Variants in ADM observed in about 807,000 individuals in gnomAD.
ADM encodes the protein adrenomedullin.
A neutral mutation model predicts 9.0 loss-of-function variants in ADM; 4 were observed. The observed-to-expected ratio is 0.44, with a 90% CI of 0.22 to 1.02. The LOEUF (loss-of-function observed/expected upper bound fraction) is 1.02. ADM is among the 50% of genes least tolerant of loss of function. The pLI, the probability that ADM is intolerant of heterozygous loss-of-function variation, is 0.24. For synonymous variants in ADM, 107 were observed against 107.2 expected (o/e 1.00, Z 0.01); for missense variants, 253 against 254.1 (o/e 1.00, Z 0.03).
Position 10,305,748 on chromosome 11 carries a change from C to G in ADM, c.48C>G (p.Phe16Leu). The change falls in exon 2 of 4, where the codon TTC becomes TTG. Residue 16 changes from phenylalanine to leucine, a missense_variant. Phe to Leu is a conservative substitution (Grantham distance 22, BLOSUM62 0). Transcript: ENST00000278175. ...VALMYLGSLA[F>L]LGADTARLDV... ...TGATGTACCTGGGTTCGCTCGCCTT[C>G]CTAGGCGCTGACACCGCTCGGTTGG... The G allele has an allele frequency of 1.9e-6, 3 of 1,614,200 alleles. No homozygotes were observed. Among genetic ancestry groups the G allele is most frequent in the Non-Finnish European group, 2.5e-6 (3 of 1,180,022 alleles).
intron 2 of ADM, 34 bp from the exon 3 acceptor site, chr11:10,305,915 A>G (rs1407130672): frequency 6.2e-7 from 1 of 1,612,804 alleles, no homozygotes; most frequent in African/African-American, 1.3e-5. Flanking sequence ...CGTCACCTGA[A>G]CGCACGCGAA....
Position 10,306,987 on chromosome 11 carries a change from A to G in ADM, c.*346A>G, listed in dbSNP as rs926377113. On this transcript the variant is annotated 3_prime_UTR_variant, in exon 4 of 4. Transcript: ENST00000278175. Reference sequence around the variant, plus strand: ...GTGCTCGCCCACAAACTGATTTCTCACGGCGTGTCACCCCACCAGGGCGCA... The same window carrying G: ...GTGCTCGCCCACAAACTGATTTCTCGCGGCGTGTCACCCCACCAGGGCGCA... 1.8e-4 allele frequency: 40 copies of G among 226,802 alleles called. No homozygotes were observed. Among genetic ancestry groups the G allele is most frequent in the Middle Eastern group, 2.7e-3 (2 of 732 alleles). 14.0% of individuals were successfully genotyped at this position (226,802 alleles called of 1,614,324 possible). A position where few individuals can be genotyped will look rare whatever the true frequency, so the allele number is the denominator to read the frequency against.
chr11:10,306,452 G>T lies in ADM; in HGVS notation c.369G>T (p.Gln123His). 5.0e-6 allele frequency: 8 copies of T among 1,613,620 alleles called. No homozygotes were observed. Among genetic ancestry groups the T allele is most frequent in the Non-Finnish European group, 6.8e-6 (8 of 1,179,940 alleles). The part of the protein sequence containing the change: ...GTCTVQKLAH[Q>H]IYQFTDKDKD... Reference sequence around the variant, plus strand: ...GCACGGTGCAGAAGCTGGCACACCAGATCTACCAGTTCACAGATAAGGACA... The same window carrying T: ...GCACGGTGCAGAAGCTGGCACACCATATCTACCAGTTCACAGATAAGGACA... Residue 123 changes from glutamine (Q) to histidine (H), a missense_variant, in exon 4 of 4, where the codon CAG becomes CAT. Transcript: ENST00000278175.
chr11:10,306,154 G>A (rs1456550823), intron 3 of ADM, 56 bp downstream of exon 3: 37 of 1,595,274 alleles, frequency 2.3e-5, no homozygotes, highest in Non-Finnish European at 3.1e-5. Context: ...TGCGGGAGGA[G>A]TTCTCTGTCT....
Position 10,305,741 on chromosome 11 carries a change from T to A in ADM, c.41T>A (p.Leu14His). The A allele has an allele frequency of 6.2e-7, 1 of 1,614,172 alleles. No homozygotes were observed. Among genetic ancestry groups the A allele is most frequent in the Non-Finnish European group, 8.5e-7 (1 of 1,180,014 alleles). Residue 14 changes from leucine to histidine, a missense_variant, in exon 2 of 4, where the codon CTC (leucine) becomes CAC (histidine). By Grantham distance (99) the Leu-to-His change is moderately conservative. Coordinates refer to ENST00000278175, the MANE Select transcript of ADM (RefSeq NM_001124.3). The part of the protein sequence containing the change: ...VSVALMYLGS[L>H]AFLGADTARL... ...GTCGCCCTGATGTACCTGGGTTCGC[T>A]CGCCTTCCTAGGCGCTGACACCGCT...
rs1964650263 is a variant in ADM at position 10,305,946 on chromosome 11, C to G, written c.99-3C>G. 7 of 1,613,618 alleles carry G rather than the reference C, an allele frequency of 4.3e-6. No homozygotes were observed. Among genetic ancestry groups the G allele is most frequent in the Non-Finnish European group, 5.9e-6 (7 of 1,180,010 alleles). The stretch of plus-strand genomic sequence containing the variant: ...GCGAATCGGGTCTGCTTGTGTTTTC[C>G]AGGTGGAATAAGTGGGCTCTGAGTC... On this transcript the variant is annotated splice_polypyrimidine_tract_variant and splice_region_variant and intron_variant, in intron 2 of 3. Coordinates refer to ENST00000278175, the MANE Select transcript of ADM (RefSeq NM_001124.3).
chr11:10,306,830 C>A lies in ADM; in HGVS notation c.*189C>A. On this transcript the variant is annotated 3_prime_UTR_variant, in exon 4 of 4. Transcript: ENST00000278175. ...CCCCTCCTTCTGGGGGCTTCGCTTC[C>A]TTAGCCTTGCTCAGGTGCAAGTGCC... 2 of 540,762 alleles carry A rather than the reference C, an allele frequency of 3.7e-6. No individual in the cohort carries two copies. 33.5% of individuals were successfully genotyped at this position (540,762 alleles called of 1,614,324 possible). A position where few individuals can be genotyped will look rare whatever the true frequency, so the allele number is the denominator to read the frequency against.
intron 1 of ADM, 82 bp from the exon 2 acceptor site, chr11:10,305,598 G>C: frequency 1.6e-6 from 2 of 1,249,084 alleles, no homozygotes; most frequent in Non-Finnish European, 2.3e-6. Context: ...CCTCGCCGGG[G>C]CCCCTGCCCG....
Position 10,306,345 on chromosome 11 carries a change from G to A in ADM, c.262G>A (p.Ala88Thr), listed in dbSNP as rs752136972. Reference sequence around the variant, plus strand: ...CCCCGCCCGCAGCAGTCCGGATGCCGCCCGCATCCGAGTCAAGCGCTACCG... The same window carrying A: ...CCCCGCCCGCAGCAGTCCGGATGCCACCCGCATCCGAGTCAAGCGCTACCG... ...RSPEDSSPDA[A>T]RIRVKRYRQS... Residue 88 changes from alanine to threonine, a missense_variant, in exon 4 of 4, where the codon GCC becomes ACC. Ala to Thr is a moderately conservative substitution (Grantham distance 58). Transcript: ENST00000278175. The A allele has an allele frequency of 1.5e-5, 23 of 1,567,188 alleles. No individual in the cohort carries two copies. The highest frequency in any genetic ancestry group is 2.0e-5 in the Non-Finnish European group (23 of 1,146,018).
At chr11:10,305,445 C>T in intron 1 of ADM, 1 of 532,970 alleles carries the variant, frequency 1.9e-6, no homozygotes. Context: ...AGAAGTTGAG[C>T]AGAGACCCTC....
intron 1 of ADM, 95 bp from the exon 2 acceptor site, chr11:10,305,585 C>T (rs2133659291): frequency 1.9e-6 from 2 of 1,063,072 alleles, no homozygotes; most frequent in South Asian, 2.7e-5. Flanking sequence ...CGGGCTAAAC[C>T]CGCCTCGCCG....
rs1198293556 is a variant in ADM, at chr11:10,307,177, T to C, written c.*536T>C. ...TACGTTATATATTGTATTAAGGGCA[T>C]TTTAAAAGCAATTATATTGTCCTCC... On this transcript the variant is annotated 3_prime_UTR_variant, in exon 4 of 4. Coordinates refer to ENST00000278175, the MANE Select transcript of ADM (RefSeq NM_001124.3). This position sits in a 1 kb window ranked among gnomAD's most constrained non-coding sequence, Gnocchi z 4.5. 6.9e-6 allele frequency: 1 copy of C among 145,448 alleles called. No individual in the cohort carries two copies. Among genetic ancestry groups the C allele is most frequent in the Non-Finnish European group, 1.5e-5 (1 of 65,290 alleles). 9.0% of individuals were successfully genotyped at this position (145,448 alleles called of 1,614,324 possible).
intron 3 of ADM, 39 bp from the exon 4 acceptor site, chr11:10,306,293 G>T (rs754484775): frequency 6.2e-7 from 1 of 1,601,520 alleles, no homozygotes; most frequent in Non-Finnish European, 8.5e-7. Context: ...GCTTGATGGG[G>T]TCTCAAGTTG....
rs776259273 is a variant in ADM at position 10,306,652 on chromosome 11, C to T, written c.*11C>T. Reference sequence around the variant, plus strand: ...CCCCACTTTCTTTAGGATTTAGGCGCCCATGGTACAAGGAATAGTCGCGCA... The same window carrying T: ...CCCCACTTTCTTTAGGATTTAGGCGTCCATGGTACAAGGAATAGTCGCGCA... On this transcript the variant is annotated 3_prime_UTR_variant, in exon 4 of 4. Coordinates refer to ENST00000278175, the MANE Select transcript of ADM (RefSeq NM_001124.3). 7.9e-6 allele frequency: 12 copies of T among 1,520,112 alleles called. No individual in the cohort carries two copies. Among genetic ancestry groups the T allele is most frequent in the African/African-American group, 1.4e-5 (1 of 71,604 alleles). The allele number at this position is 1,520,112 out of a possible 1,614,324, so 94.2% of individuals were successfully genotyped here.
intron 1 of ADM, 48 bp from the exon 2 acceptor site, chr11:10,305,632 T>A: frequency 6.5e-7 from 1 of 1,527,638 alleles, no homozygotes; most frequent in Non-Finnish European, 9.0e-7. Context: ...GCCCGGGCGG[T>A]GCAGCTGGCC....
chr11:10,306,414 C>G lies in ADM; in HGVS notation c.331C>G (p.Arg111Gly). Residue 111 changes from arginine to glycine, a missense_variant, in exon 4 of 4, where the codon CGC (arginine) becomes GGC (glycine). Coordinates refer to ENST00000278175, the MANE Select transcript of ADM (RefSeq NM_001124.3). ...NFQGLRSFGCRFGTCTVQKLA... is the reference protein window; with the variant it reads ...NFQGLRSFGCGFGTCTVQKLA... ...CCAGGGCCTCCGGAGCTTTGGCTGC[C>G]GCTTCGGGACGTGCACGGTGCAGAA... 1 of 1,613,316 alleles carries G rather than the reference C, an allele frequency of 6.2e-7. No homozygotes were observed. Among genetic ancestry groups the G allele is most frequent in the Non-Finnish European group, 8.5e-7 (1 of 1,179,918 alleles).
At position 10,306,352 on chromosome 11, in the gene ADM, T is replaced by C; in HGVS notation, c.269T>C (p.Ile90Thr). 1 of 1,026,972 alleles carries C rather than the reference T, an allele frequency of 9.7e-7. No individual in the cohort carries two copies. The highest frequency in any genetic ancestry group is 1.4e-6 in the Non-Finnish European group (1 of 720,426). The allele number at this position is 1,026,972 out of a possible 1,614,324, so 63.6% of individuals were successfully genotyped here. A position where few individuals can be genotyped will look rare whatever the true frequency, so the allele number is the denominator to read the frequency against. The change falls in exon 4 of 4, where the codon ATC becomes ACC. Residue 90 changes from isoleucine to threonine, a missense_variant. Transcript: ENST00000278175. Reference protein sequence around the residue: ...PEDSSPDAARIRVKRYRQSMN... With the variant: ...PEDSSPDAARTRVKRYRQSMN... ...CGCAGCAGTCCGGATGCCGCCCGCA[T>C]CCGAGTCAAGCGCTACCGCCAGAGC...
intron 1 of ADM, 62 bp from the exon 2 acceptor site, chr11:10,305,618 C>T: frequency 6.8e-7 from 1 of 1,474,558 alleles, no homozygotes; most frequent in South Asian, 1.1e-5. Context: ...GCCCTCCGTG[C>T]CCCGCCCGGG....
In ADM at chr11:10,306,715, C is replaced by G. The variant is rs1401418701; in HGVS notation, c.*74C>G. The G allele has an allele frequency of 2.1e-6, 3 of 1,443,542 alleles. No individual in the cohort carries two copies. Among genetic ancestry groups the G allele is most frequent in the Admixed American group, 2.5e-5 (1 of 39,984 alleles). 89.4% of individuals were successfully genotyped at this position (1,443,542 alleles called of 1,614,324 possible). A position where few individuals can be genotyped will look rare whatever the true frequency, so the allele number is the denominator to read the frequency against. ...GTGCCTCCCGGGACGAAGGACTTCC[C>G]GAGCGGTGTGGGGACCGGGCTCTGA... On this transcript the variant is annotated 3_prime_UTR_variant, in exon 4 of 4. Coordinates refer to ENST00000278175, the MANE Select transcript of ADM (RefSeq NM_001124.3).
Sources: allele counts gnomAD v4.1 joint callset, GRCh38; gene constraint gnomAD v4.1.1; non-coding constraint Gnocchi (gnomAD v3.1); transcripts MANE v1.5; gene names NCBI Gene and HGNC (gene_info 2026-07-23, HGNC 2026-07-21).